MYO1H: variants seen among roughly 807,000 people sequenced by gnomAD.
MYO1H encodes unconventional myosin-Ih.
In MYO1H, 118 loss-of-function variants were observed where a neutral mutation model predicts 149.3. The ratio of observed to expected loss-of-function variants is 0.79; its 90% CI spans 0.68 to 0.92. The LOEUF is 0.92. MYO1H is among the 40% of genes least tolerant of loss of function. The pLI, the probability that MYO1H is intolerant of heterozygous loss-of-function variation, is 0.00. For synonymous variants in MYO1H, 447 were observed against 465.2 expected (o/e 0.96, Z 0.50); for missense variants, 1,212 against 1,280.7 (o/e 0.95, Z 0.82).
chr12:109,434,831 A>C (rs1189459176), intron 20 of MYO1H, among the ~76,000 whole-genome samples: 1 of 152,118 alleles, frequency 6.6e-6, no homozygotes, highest in East Asian at 1.9e-4. Context: ...GTGTGTATAG[A>C]GACACTCTCA....
At chr12:109,447,388 T>C in exon 32 of MYO1H, 1 of 614,858 alleles carries the variant, frequency 1.6e-6, no homozygotes, top group Non-Finnish European at 2.9e-6. Context: ...ATTTAAAATG[T>C]CACCTTCTGG....
At chr12:109,313,714 A>G in the MYO1H span, among the ~76,000 whole-genome samples, 6 of 152,218 alleles carry the variant, frequency 3.9e-5, no homozygotes, top group Non-Finnish European at 1.5e-5. Flanking sequence ...AGCAGCTAAC[A>G]AAATCAAGCC....
intron 16 of MYO1H, among the ~76,000 whole-genome samples, chr12:109,423,026 G>A (rs1871237963): frequency 6.6e-6 from 1 of 152,094 alleles, no homozygotes; most frequent in African/African-American, 2.4e-5. Flanking sequence ...AGGTTGCAGT[G>A]AGCTGTGACC....
At chr12:109,326,950 A>C in the MYO1H span, among the ~76,000 whole-genome samples, 1 of 152,066 alleles carries the variant, frequency 6.6e-6, no homozygotes, top group African/African-American at 2.4e-5. Flanking sequence ...TATGAATAAG[A>C]TACCTTGGAC....
the MYO1H span, among the ~76,000 whole-genome samples, chr12:109,329,729 C>G: frequency 2.6e-5 from 4 of 152,320 alleles, no homozygotes; most frequent in African/African-American, 7.2e-5. Flanking sequence ...AGTGTGTGTT[C>G]TTACCATGAT....
rs535563329 is a variant in MYO1H, at chr12:109,376,790, C to T, written c.13-11893C>T. Among the ~76,000 whole-genome samples, 5 of 152,264 alleles carry T rather than the reference C, an allele frequency of 3.3e-5. No individual in the cohort carries two copies. In the East Asian group the frequency reaches 9.7e-4, roughly 29 times the overall value. ...TATCTTGGCTATTCTTGGTCCTTTG[C>T]AATTTCACAAAAATTTCAGAAACAG... On this transcript the variant is annotated intron_variant, in intron 1 of 31. Coordinates refer to ENST00000310903, the Ensembl canonical transcript of MYO1H.
chr12:109,385,494 T>C (rs1393327413), intron 1 of MYO1H, among the ~76,000 whole-genome samples: 1 of 152,142 alleles, frequency 6.6e-6, no homozygotes, highest in South Asian at 2.1e-4. Context: ...AGTTTCAACA[T>C]GTTACTCAGG....
chr12:109,446,728 C>T (rs762480232), intron 31 of MYO1H, among the ~76,000 whole-genome samples: 2 of 152,220 alleles, frequency 1.3e-5, no homozygotes, highest in Non-Finnish European at 2.9e-5. Context: ...CGCACCACTA[C>T]ACTCCAGCCT....
At position 109,420,508 on chromosome 12, in the gene MYO1H, C is replaced by T. The variant is rs555643748; in HGVS notation, c.1598-473C>T. 5.3e-5 allele frequency among the ~76,000 whole-genome samples: 8 copies of T among 152,080 alleles called. No individual in the cohort carries two copies. The East Asian group carries it at 7.7e-4, about 15-fold the overall frequency. On this transcript the variant is annotated intron_variant, in intron 15 of 31. Coordinates refer to ENST00000310903, the Ensembl canonical transcript of MYO1H. ...GGGAAGCAGGCATGTCTAACATGCC[C>T]GGAGGAGGAGGAATAGAGTGAAGGG... is the stretch of plus-strand genomic sequence containing the variant.
At chr12:109,425,801 G>A (rs1871330804) in intron 17 of MYO1H, 145 bp from the exon 18 acceptor site, 2 of 657,812 alleles carry the variant, frequency 3.0e-6, no homozygotes, top group Non-Finnish European at 2.7e-6. Context: ...CTCTTAATGG[G>A]CCAGATGGCC....
At chr12:109,359,566 A>G (rs1868694327) in intron 1 of MYO1H, 1 of 152,120 alleles carries the variant, frequency 6.6e-6, no homozygotes, top group Admixed American at 6.5e-5. Flanking sequence ...GCCCCTTATA[A>G]ATGGGCCATC....
chr12:109,443,416 C>A (rs1325414043), intron 27 of MYO1H, 98 bp from the exon 28 acceptor site: 8 of 1,347,140 alleles, frequency 5.9e-6, no homozygotes, highest in South Asian at 2.7e-5. Flanking sequence ...TCTGTTTGAG[C>A]TTTTCTAAAT....
chr12:109,341,174 G>A, the MYO1H span, among the ~76,000 whole-genome samples: 2 of 131,286 alleles, frequency 1.5e-5, no homozygotes, highest in Non-Finnish European at 1.6e-5. Context: ...GGGTGACAGA[G>A]CGAGACTCCA....
chr12:109,427,899 A>ATATAT lies in MYO1H; in HGVS notation c.1949+313_1949+314insTATAT, dbSNP rs1566038875. On this transcript the variant is annotated intron_variant, in intron 19 of 31. Transcript: ENST00000310903. ...ATCTCTACAAAAAAAAAAAAAAAAA[A>ATATAT]AAAAAAAAAAATATATATATATATA... Among the ~76,000 whole-genome samples, 118 of 51,396 alleles carry ATATAT rather than the reference A, an allele frequency of 2.3e-3. 9 individuals are homozygous for ATATAT. Among genetic ancestry groups the ATATAT allele is most frequent in the African/African-American group, 9.0e-3 (118 of 13,176 alleles). 33.7% of individuals were successfully genotyped at this position (51,396 alleles called of 152,430 possible).
intron 1 of MYO1H, among the ~76,000 whole-genome samples, chr12:109,382,960 G>T (rs1869235695): frequency 6.7e-6 from 1 of 150,074 alleles, no homozygotes; most frequent in South Asian, 2.1e-4. Flanking sequence ...AAATAATACT[G>T]GCAGTACACA....
intron 1 of MYO1H, among the ~76,000 whole-genome samples, chr12:109,356,929 C>T (rs1279330239): frequency 6.6e-6 from 1 of 152,198 alleles, no homozygotes; most frequent in African/African-American, 2.4e-5. Flanking sequence ...AGATTTGATC[C>T]TTATAAATTC....
the MYO1H span, among the ~76,000 whole-genome samples, chr12:109,337,574 A>G: frequency 6.6e-6 from 1 of 152,192 alleles, no homozygotes; most frequent in Non-Finnish European, 1.5e-5. Flanking sequence ...ACTCCGCTTT[A>G]TAAAACCATC....
intron 15 of MYO1H, among the ~76,000 whole-genome samples, chr12:109,415,851 A>G (rs1870879387): frequency 6.6e-6 from 1 of 152,152 alleles, no homozygotes; most frequent in African/African-American, 2.4e-5. Context: ...AAAATGTACA[A>G]TTCAGCAGTT....
At chr12:109,371,213 CTTTTTT>C (rs34350111) in intron 1 of MYO1H, among the ~76,000 whole-genome samples, 1,673 of 118,334 alleles carry the variant, frequency 0.014, 38 homozygotes, top group African/African-American at 0.049. Flanking sequence ...TTTTTTCTTT[CTTTTTT>C]TTTTTTTTTT....
Sources: allele counts gnomAD v4.1 joint callset (sites outside exome capture counted in the v4.1 genomes callset), GRCh38; gene constraint gnomAD v4.1.1; transcripts MANE v1.5; gene names NCBI Gene and HGNC (gene_info 2026-07-23, HGNC 2026-07-21).